The following PRNP variants were observed in gnomAD, a reference collection of about 807,000 sequenced individuals.
PRNP encodes prion protein (Kanno blood group), also known as major prion protein.
PRNP carries 15 observed loss-of-function variants against 21.3 expected under a neutral mutation model. That is an observed-to-expected ratio of 0.71 (90% CI 0.47 to 1.09). The LOEUF (loss-of-function observed/expected upper bound fraction) is 1.09, where lower values mean the gene tolerates loss of function less well. PRNP is among the 50% of genes least tolerant of loss of function. The pLI is 0.00. For synonymous variants in PRNP, 121 were observed against 123.1 expected (o/e 0.98, Z 0.11); for missense variants, 285 against 340.9 (o/e 0.84, Z 1.29).
rs73603206 is a variant in PRNP at position 4,695,498 on chromosome 20, C to A, written c.-10-3713C>A. Among the ~76,000 whole-genome samples the A allele has an allele frequency of 5.1e-3, 771 of 152,234 alleles. 2 individuals carry two copies. The highest frequency in any genetic ancestry group is 0.017 in the African/African-American group (714 of 41,518). On this transcript the variant is annotated intron_variant, in intron 1 of 1. Coordinates refer to ENST00000379440, the MANE Select transcript of PRNP (RefSeq NM_000311.5). Reference sequence around the variant, plus strand: ...ATATATGTACCACACTTTCATTATCCCAGCTATCACTGATGGGCATTTAGG... The same window carrying A: ...ATATATGTACCACACTTTCATTATCACAGCTATCACTGATGGGCATTTAGG...
chr20:4,692,496 A>G (rs952872597), intron 1 of PRNP, among the ~76,000 whole-genome samples: 8 of 152,226 alleles, frequency 5.3e-5, no homozygotes, highest in African/African-American at 1.9e-4. Flanking sequence ...TGTTCACCAC[A>G]TTAATGGGAA....
rs1163717358 is a variant in PRNP at position 4,699,811 on chromosome 20, C to T, written c.591C>T (p.Asn197=). 3.7e-6 allele frequency: 6 copies of T among 1,613,934 alleles called. No homozygotes were observed. In the East Asian group the frequency reaches 1.3e-4, roughly 36 times the overall value. ...TCACCACAACCACCAAGGGGGAGAA[C>T]TTCACCGAGACCGACGTTAAGATGA... ...HTVTTTTKGE[N]FTETDVKMME... The change falls in exon 2 of 2, where the codon AAC becomes AAT. Residue 197 remains asparagine, a synonymous_variant. Coordinates refer to ENST00000379440, the MANE Select transcript of PRNP (RefSeq NM_000311.5). The surrounding 1 kb of genome is among the most constrained non-coding windows in gnomAD (Gnocchi z 5.8).
intron 1 of PRNP, among the ~76,000 whole-genome samples, chr20:4,690,420 C>T (rs1921749039): frequency 6.6e-6 from 1 of 152,186 alleles, no homozygotes; most frequent in South Asian, 2.1e-4. Flanking sequence ...CTGACTCTCA[C>T]TCCCCATCTA....
intron 1 of PRNP, among the ~76,000 whole-genome samples, chr20:4,692,547 TTGTGACA>T: frequency 6.6e-6 from 1 of 152,218 alleles, no homozygotes; most frequent in Non-Finnish European, 1.5e-5. Context: ...GGCTTTGTGT[TTGTGACA>T]GCATTTCTTT....
At chr20:4,692,280 C>T (rs1921879468) in intron 1 of PRNP, among the ~76,000 whole-genome samples, 1 of 152,136 alleles carries the variant, frequency 6.6e-6, no homozygotes, top group Admixed American at 6.6e-5. Flanking sequence ...TTCTTACTGC[C>T]ATTATGAATG....
Position 4,701,454 on chromosome 20 carries a change from A to C in PRNP, c.*1472A>C, listed in dbSNP as rs1922607524. ...CATGTAAGAATCCAAAGTGGACACC[A>C]TTAACAGGTCTTTGAAATATGCATG... On this transcript the variant is annotated 3_prime_UTR_variant, in exon 2 of 2. Coordinates refer to ENST00000379440, the MANE Select transcript of PRNP (RefSeq NM_000311.5). This position sits in a 1 kb window ranked among gnomAD's most constrained non-coding sequence, Gnocchi z 4.2. 6.0e-6 allele frequency: 1 copy of C among 167,154 alleles called. No homozygotes were observed. Among genetic ancestry groups the C allele is most frequent in the Non-Finnish European group, 1.5e-5 (1 of 68,126 alleles). The allele number at this position is 167,154 out of a possible 1,614,324, so 10.4% of individuals were successfully genotyped here.
chr20:4,694,135 T>G (rs1055263766), intron 1 of PRNP, among the ~76,000 whole-genome samples: 3 of 151,958 alleles, frequency 2.0e-5, no homozygotes, highest in Admixed American at 2.0e-4. Context: ...AGTGTATAAT[T>G]TTTGACAGCT....
rs28933385 is a variant in PRNP, at chr20:4,699,818, G to A, written c.598G>A (p.Glu200Lys). ...TTTTKGENFT[E>K]TDVKMMERVV... ...AACCACCAAGGGGGAGAACTTCACC[G>A]AGACCGACGTTAAGATGATGGAGCG... The change falls in exon 2 of 2, where the codon GAG (glutamate) becomes AAG (lysine). Residue 200 changes from glutamate (E) to lysine (K), a missense_variant. Transcript: ENST00000379440. This position sits in a 1 kb window ranked among gnomAD's most constrained non-coding sequence, Gnocchi z 5.8. The A allele has an allele frequency of 8.1e-6, 13 of 1,613,882 alleles. No individual in the cohort carries two copies. Among genetic ancestry groups the A allele is most frequent in the Admixed American group, 3.3e-5 (2 of 60,002 alleles).
chr20:4,692,780 A>G (rs1481533244), intron 1 of PRNP, among the ~76,000 whole-genome samples: 3 of 152,156 alleles, frequency 2.0e-5, no homozygotes, highest in Non-Finnish European at 4.4e-5. Flanking sequence ...TTCTTTTACT[A>G]AACTGTTAAA....
Position 4,700,570 on chromosome 20 carries a change from C to T in PRNP, c.*588C>T. ...TACCGAGAACTGGGGTGATGTTTTA[C>T]TTTTCACAGTATGGGCTACACAGCA... On this transcript the variant is annotated 3_prime_UTR_variant, in exon 2 of 2. Transcript: ENST00000379440. This position sits in a 1 kb window ranked among gnomAD's most constrained non-coding sequence, Gnocchi z 4.1. 3.9e-6 allele frequency: 1 copy of T among 256,270 alleles called. No individual in the cohort carries two copies. The highest frequency in any genetic ancestry group is 5.2e-5 in the Admixed American group (1 of 19,340). The allele number at this position is 256,270 out of a possible 1,614,324, so 15.9% of individuals were successfully genotyped here.
chr20:4,699,330 G>C lies in PRNP; in HGVS notation c.110G>C (p.Arg37Pro). The C allele has an allele frequency of 6.2e-7, 1 of 1,613,858 alleles. No homozygotes were observed. The highest frequency in any genetic ancestry group is 8.5e-7 in the Non-Finnish European group (1 of 1,179,966). Reference sequence around the variant, plus strand: ...GGAGGATGGAACACTGGGGGCAGCCGATACCCGGGGCAGGGCAGCCCTGGA... The same window carrying C: ...GGAGGATGGAACACTGGGGGCAGCCCATACCCGGGGCAGGGCAGCCCTGGA... Reference protein sequence around the residue: ...KPGGWNTGGSRYPGQGSPGGN... With the variant: ...KPGGWNTGGSPYPGQGSPGGN... Residue 37 changes from arginine to proline, a missense_variant, in exon 2 of 2, where the codon CGA becomes CCA. Arg to Pro is a moderately radical substitution (Grantham distance 103). Coordinates refer to ENST00000379440, the MANE Select transcript of PRNP (RefSeq NM_000311.5). The surrounding 1 kb of genome is among the most constrained non-coding windows in gnomAD (Gnocchi z 5.8).
rs945136467 is a variant in PRNP, at chr20:4,699,363, G to A, written c.143G>A (p.Arg48His). The A allele has an allele frequency of 3.0e-5, 49 of 1,613,532 alleles. No homozygotes were observed. Among genetic ancestry groups the A allele is most frequent in the Non-Finnish European group, 4.1e-5 (48 of 1,179,908 alleles). ...YPGQGSPGGNRYPPQGGGGWG... is the reference protein window; with the variant it reads ...YPGQGSPGGNHYPPQGGGGWG... ...GGGCAGGGCAGCCCTGGAGGCAACC[G>A]CTACCCACCTCAGGGCGGTGGTGGC... Residue 48 changes from arginine (R) to histidine (H), a missense_variant, in exon 2 of 2, where the codon CGC becomes CAC. Physicochemically the swap from Arg to His is conservative, Grantham distance 29. Transcript: ENST00000379440. This position sits in a 1 kb window ranked among gnomAD's most constrained non-coding sequence, Gnocchi z 5.8.
intron 1 of PRNP, among the ~76,000 whole-genome samples, chr20:4,689,793 T>A (rs911096171): frequency 6.6e-6 from 1 of 152,182 alleles, no homozygotes; most frequent in Admixed American, 6.5e-5. Context: ...TTTTTGTCGA[T>A]GTGTTAACCA....
intron 1 of PRNP, among the ~76,000 whole-genome samples, chr20:4,698,700 G>A (rs1163531857): frequency 1.3e-5 from 2 of 152,106 alleles, no homozygotes; most frequent in East Asian, 1.9e-4. Flanking sequence ...TAGGTTTTAC[G>A]GCACACAGTG....
chr20:4,686,969 G>A lies in PRNP; in HGVS notation c.-11+457G>A, dbSNP rs1031278328. On this transcript the variant is annotated intron_variant, in intron 1 of 1. Coordinates refer to ENST00000379440, the MANE Select transcript of PRNP (RefSeq NM_000311.5). This position sits in a 1 kb window ranked among gnomAD's most constrained non-coding sequence, Gnocchi z 6.7. The stretch of plus-strand genomic sequence containing the variant: ...GCGGGGCTCGCGCTCCCCGCCCGTT[G>A]GCCGCCCCTCGGAGGCCGAGATCGG... 6.6e-6 allele frequency among the ~76,000 whole-genome samples: 1 copy of A among 151,724 alleles called. No homozygotes were observed. The highest frequency in any genetic ancestry group is 2.4e-5 in the African/African-American group (1 of 41,368).
At chr20:4,687,963 G>A (rs2122195220) in intron 1 of PRNP, among the ~76,000 whole-genome samples, 1 of 152,224 alleles carries the variant, frequency 6.6e-6, no homozygotes, top group East Asian at 1.9e-4. Flanking sequence ...AATCACCAGT[G>A]GAAAGGAGCA....
intron 1 of PRNP, among the ~76,000 whole-genome samples, chr20:4,687,021 T>A (rs952019107): frequency 1.3e-5 from 2 of 151,832 alleles, no homozygotes; most frequent in South Asian, 2.1e-4. Flanking sequence ...TGGCAAGGCC[T>A]GGCGCTTCCG....
chr20:4,690,733 GAT>G (rs1921770231), intron 1 of PRNP, among the ~76,000 whole-genome samples: 1 of 152,096 alleles, frequency 6.6e-6, no homozygotes, highest in African/African-American at 2.4e-5. Flanking sequence ...ATTAGAAAGA[GAT>G]CTTTTCCTCT....
intron 1 of PRNP, among the ~76,000 whole-genome samples, chr20:4,688,457 A>G (rs1198136961): frequency 3.9e-5 from 6 of 152,180 alleles, no homozygotes; most frequent in African/African-American, 1.4e-4. Flanking sequence ...CCAGTGACAA[A>G]CATTTTGTTA....
Sources: allele counts gnomAD v4.1 joint callset (sites outside exome capture counted in the v4.1 genomes callset), GRCh38; gene constraint gnomAD v4.1.1; non-coding constraint Gnocchi (gnomAD v3.1); transcripts MANE v1.5; gene names NCBI Gene and HGNC (gene_info 2026-07-23, HGNC 2026-07-21).